Variants in CRB2 observed in about 807,000 individuals in gnomAD.
CRB2 encodes the protein crumbs cell polarity complex component 2, also known as protein crumbs homolog 2.
Under a neutral mutation model 110.9 loss-of-function variants are expected in CRB2, and 85 were observed. The observed-to-expected ratio is 0.77, with a 90% CI of 0.64 to 0.92. The LOEUF (loss-of-function observed/expected upper bound fraction) is 0.92. CRB2 is among the 40% of genes least tolerant of loss of function. The pLI is 0.00. For missense variants in CRB2, 1,843 were observed against 1,851.3 expected, an observed-to-expected ratio of 1.00 and a Z score of 0.08; for synonymous variants, 907 against 831.0, an observed-to-expected ratio of 1.09 and a Z score of -1.57.
chr9:123,363,209 GGGA>G (rs780090374), intron 2 of CRB2, 21 bp downstream of exon 2: 1 of 1,579,276 alleles, frequency 6.3e-7, no homozygotes, highest in Non-Finnish European at 8.6e-7. Flanking sequence ...GGGCCGCCCT[GGGA>G]GGAGGTCTGT....
chr9:123,368,132 G>C (rs554729344), intron 6 of CRB2, among the ~76,000 whole-genome samples: 1 of 152,202 alleles, frequency 6.6e-6, no homozygotes, highest in African/African-American at 2.4e-5. Flanking sequence ...CAGGACCCCG[G>C]TGAGCCCAGG....
In CRB2 at chr9:123,371,401, T is replaced by G; in HGVS notation, c.2259T>G (p.Ala753=). The change falls in exon 8 of 13, where the codon GCT becomes GCG. Residue 753 remains alanine (A), a synonymous_variant. Transcript: ENST00000373631. ...QHVHVGGRLL[A]ADSQPWGGPF... is the part of the protein sequence containing the mutation. ...TGCACGTGGGTGGGAGGCTCCTTGC[T>G]GCCGACAGCCAGCCCTGGGGTGGGC... 1 of 1,609,280 alleles carries G rather than the reference T, an allele frequency of 6.2e-7. No homozygotes were observed. The highest frequency in any genetic ancestry group is 8.5e-7 in the Non-Finnish European group (1 of 1,177,550).
At chr9:123,380,207 G>GTTGTT (rs1466760505), downstream of CRB2, 1 of 152,380 alleles carries the variant, frequency 6.6e-6, no homozygotes, top group Non-Finnish European at 1.5e-5. Flanking sequence ...GTCTCAGATG[G>GTTGTT]TTGTTTTCTT....
chr9:123,367,313 G>T lies in CRB2; in HGVS notation c.896G>T (p.Arg299Leu). 1 of 1,604,392 alleles carries T rather than the reference G, an allele frequency of 6.2e-7. No homozygotes were observed. Among genetic ancestry groups the T allele is most frequent in the Non-Finnish European group, 8.5e-7 (1 of 1,179,556 alleles). Reference sequence around the variant, plus strand: ...GCCTTCCCTGGCGCCTTCAGCTTCCGCCATGCTGCGGGTTTCCTGTGCCAC... The same window carrying T: ...GCCTTCCCTGGCGCCTTCAGCTTCCTCCATGCTGCGGGTTTCCTGTGCCAC... ...QAAFPGAFSF[R>L]HAAGFLCHCP... Residue 299 changes from arginine (R) to leucine (L), a missense_variant, in exon 5 of 13, where the codon CGC becomes CTC. Physicochemically the swap from Arg to Leu is moderately radical, Grantham distance 102 (BLOSUM62 -2). Coordinates refer to ENST00000373631, the MANE Select transcript of CRB2 (RefSeq NM_173689.7).
At position 123,373,543 on chromosome 9, in the gene CRB2, C is replaced by A. The variant is rs753033749; in HGVS notation, c.3012C>A (p.Ile1004=). ...GFLQGPGAVR[I]LLAENFTGCL... is the part of the protein sequence containing the mutation. ...TGCAGGGCCCGGGTGCTGTGCGCATCCTGCTGGCTGAGAACTTCACCGGCT... is the reference window on the plus strand; with the variant it reads ...TGCAGGGCCCGGGTGCTGTGCGCATACTGCTGGCTGAGAACTTCACCGGCT... Residue 1004 remains isoleucine, a synonymous_variant, in exon 10 of 13, where the codon ATC becomes ATA. Transcript: ENST00000373631. The A allele has an allele frequency of 1.3e-6, 2 of 1,487,446 alleles. No homozygotes were observed. Among genetic ancestry groups the A allele is most frequent in the Admixed American group, 4.3e-5 (2 of 46,786 alleles). 92.1% of individuals were successfully genotyped at this position (1,487,446 alleles called of 1,614,324 possible).
In CRB2 at chr9:123,362,451, A is replaced by G. The variant is rs146909676; in HGVS notation, c.95-414A>G. On this transcript the variant is annotated intron_variant, in intron 1 of 12. Coordinates refer to ENST00000373631, the MANE Select transcript of CRB2 (RefSeq NM_173689.7). ...CAGCGAACACTAACTTGCTGTGTGA[A>G]GTGGACAGGGCTGGGCAGGCTCAGC... Among the ~76,000 whole-genome samples the G allele has an allele frequency of 1.9e-3, 291 of 152,332 alleles. 2 individuals are homozygous for G. Among genetic ancestry groups the G allele is most frequent in the Non-Finnish European group, 3.6e-3 (242 of 68,020 alleles).
chr9:123,375,423 C>G lies in CRB2; in HGVS notation c.3633+80C>G, dbSNP rs1588221388. On this transcript the variant is annotated intron_variant, in intron 12 of 12. Coordinates refer to ENST00000373631, the MANE Select transcript of CRB2 (RefSeq NM_173689.7). ...AGATGCTGCTGGGGAGAGAGCGCAG[C>G]ACCATGGGGCTGTTCCTGGGCCACT... is the stretch of plus-strand genomic sequence containing the variant. The G allele has an allele frequency of 2.1e-6, 3 of 1,443,630 alleles. No homozygotes were observed. The East Asian group carries it at 7.6e-5, about 37-fold the overall frequency. The allele number at this position is 1,443,630 out of a possible 1,614,324, so 89.4% of individuals were successfully genotyped here.
chr9:123,367,158 G>C lies in CRB2; in HGVS notation c.755-14G>C. ...ACCCCGTGAGACCTGATGTCCGCGT[G>C]TGTGTGCCCCCAGGCTACAGCGGCG... On this transcript the variant is annotated splice_polypyrimidine_tract_variant and intron_variant, in intron 4 of 12. Coordinates refer to ENST00000373631, the MANE Select transcript of CRB2 (RefSeq NM_173689.7). 6.4e-7 allele frequency: 1 copy of C among 1,571,632 alleles called. No homozygotes were observed. Among genetic ancestry groups the C allele is most frequent in the Non-Finnish European group, 8.6e-7 (1 of 1,165,552 alleles).
At chr9:123,363,532 C>T (rs77199713) in intron 2 of CRB2, among the ~76,000 whole-genome samples, 3,456 of 152,230 alleles carry the variant, frequency 0.023, 133 homozygotes, top group African/African-American at 0.079. Flanking sequence ...TGAGGATGCC[C>T]AGATAGTCTT....
intron 8 of CRB2, 106 bp downstream of exon 8, chr9:123,371,684 A>C: frequency 1.3e-6 from 2 of 1,488,398 alleles, no homozygotes; most frequent in Non-Finnish European, 1.8e-6. Flanking sequence ...GAGGAAACTG[A>C]GGCTCAGGAG....
At position 123,375,358 on chromosome 9, in the gene CRB2, G is replaced by A; in HGVS notation, c.3633+15G>A. 1 of 1,572,032 alleles carries A rather than the reference G, an allele frequency of 6.4e-7. No homozygotes were observed. The highest frequency in any genetic ancestry group is 8.7e-7 in the Non-Finnish European group (1 of 1,155,736). ...GTGAAGTGGCGGTGAGTGTTGTCAGGGGTGAGGGGCCGTGGACGTGGCCTG... is the reference window on the plus strand; with the variant it reads ...GTGAAGTGGCGGTGAGTGTTGTCAGAGGTGAGGGGCCGTGGACGTGGCCTG... On this transcript the variant is annotated intron_variant, in intron 12 of 12. Coordinates refer to ENST00000373631, the MANE Select transcript of CRB2 (RefSeq NM_173689.7).
Position 123,365,980 on chromosome 9 carries a change from G to A in CRB2, c.482G>A (p.Cys161Tyr), listed in dbSNP as rs1305426477. ...ASAPCLHGGS[C>Y]LDGVGSFRCV... ...GCGCCCTGCCTGCACGGGGGCTCGT[G>A]CCTGGACGGCGTGGGCTCCTTCCGC... is the stretch of plus-strand genomic sequence containing the variant. Residue 161 changes from cysteine to tyrosine, a missense_variant, in exon 3 of 13, where the codon TGC becomes TAC. Physicochemically the swap from Cys to Tyr is radical, Grantham distance 194. Coordinates refer to ENST00000373631, the MANE Select transcript of CRB2 (RefSeq NM_173689.7). The A allele has an allele frequency of 6.3e-7, 1 of 1,597,370 alleles. No individual in the cohort carries two copies. Among genetic ancestry groups the A allele is most frequent in the African/African-American group, 1.3e-5 (1 of 74,954 alleles).
In CRB2 at chr9:123,370,851, C is replaced by T. The variant is rs764211742; in HGVS notation, c.1798C>T (p.Leu600Phe). ...GCCTGAGGATCTCGGTGAGAACGTC[C>T]TCCTGGGCTGTGAGCGCCGAGAGCA... Reference protein sequence around the residue: ...LLPEDLGENVLLGCERREQCR... With the variant: ...LLPEDLGENVFLGCERREQCR... Residue 600 changes from leucine (L) to phenylalanine (F), a missense_variant, in exon 7 of 13, where the codon CTC (leucine) becomes TTC (phenylalanine). Leu to Phe is a conservative substitution (Grantham distance 22). Transcript: ENST00000373631. 2 of 1,608,806 alleles carry T rather than the reference C, an allele frequency of 1.2e-6. No individual in the cohort carries two copies. Among genetic ancestry groups the T allele is most frequent in the South Asian group, 1.1e-5 (1 of 91,070 alleles).
chr9:123,355,429 T>C (rs1252116085), upstream of CRB2, among the ~76,000 whole-genome samples: 1 of 151,226 alleles, frequency 6.6e-6, no homozygotes. Flanking sequence ...CAAGGTCAAG[T>C]GGAAGAAAGC....
Position 123,373,911 on chromosome 9 carries a change from C to G in CRB2, c.3380C>G (p.Pro1127Arg). 2 of 1,549,360 alleles carry G rather than the reference C, an allele frequency of 1.3e-6. No individual in the cohort carries two copies. The highest frequency in any genetic ancestry group is 1.2e-5 in the South Asian group (1 of 84,294). Reference protein sequence around the residue: ...ECRCPPGFGGPRCRLPVPSKE... With the variant: ...ECRCPPGFGGRRCRLPVPSKE... ...CGCTGCCCGCCTGGCTTCGGGGGCC[C>G]GCGCTGCAGGTGGGATGGCTGGGCA... Residue 1127 changes from proline (P) to arginine (R), a missense_variant, in exon 10 of 13, where the codon CCG (proline) becomes CGG (arginine). Coordinates refer to ENST00000373631, the MANE Select transcript of CRB2 (RefSeq NM_173689.7).
rs1019829031 is a variant in CRB2, at chr9:123,375,746, C to T, written c.3633+403C>T. On this transcript the variant is annotated intron_variant, in intron 12 of 12. Transcript: ENST00000373631. ...AGCCAGTGTCCTGAGTAGGAAGACA[C>T]GGAGGGGCAGGGGGCCTGGGAGTCC... 7.9e-5 allele frequency among the ~76,000 whole-genome samples: 12 copies of T among 152,294 alleles called. No individual in the cohort carries two copies. The East Asian group carries it at 9.6e-4, about 12-fold the overall frequency.
Position 123,367,620 on chromosome 9 carries a change from C to G in CRB2, c.988C>G (p.Leu330Val). 1 of 1,570,518 alleles carries G rather than the reference C, an allele frequency of 6.4e-7. No homozygotes were observed. Residue 330 changes from leucine to valine, a missense_variant, in exon 6 of 13, where the codon CTC becomes GTC. Coordinates refer to ENST00000373631, the MANE Select transcript of CRB2 (RefSeq NM_173689.7). ...GGACGAGTGTGCCTCACGGCCATGC[C>G]TCAACGGAGGCCACTGCCAGGACCT... The part of the protein sequence containing the change: ...EVDECASRPC[L>V]NGGHCQDLPN...
chr9:123,367,429 AC>A lies in CRB2; in HGVS notation c.940+80del, dbSNP rs10537052. On this transcript the variant is annotated intron_variant, in intron 5 of 12. Coordinates refer to ENST00000373631, the MANE Select transcript of CRB2 (RefSeq NM_173689.7). ...GGAGGGATCTTGTGCCCACCCCCCC[AC>A]CCCCCCCACCCCCCCACCCCACACC... The A allele has an allele frequency of 8.0e-4, 738 of 924,190 alleles. 1 individual carries two copies. Among genetic ancestry groups the A allele is most frequent in the African/African-American group, 3.5e-3 (124 of 35,572 alleles). 57.2% of individuals were successfully genotyped at this position (924,190 alleles called of 1,614,324 possible).
At chr9:123,361,809 C>T (rs999884070) in intron 1 of CRB2, among the ~76,000 whole-genome samples, 24 of 152,314 alleles carry the variant, frequency 1.6e-4, no homozygotes, top group Admixed American at 1.3e-3. Context: ...CCCAGGGTCT[C>T]ATAGCTAGGA....
Sources: allele counts gnomAD v4.1 joint callset (sites outside exome capture counted in the v4.1 genomes callset), GRCh38; gene constraint gnomAD v4.1.1; transcripts MANE v1.5; gene names NCBI Gene and HGNC (gene_info 2026-07-23, HGNC 2026-07-21).